The following DNAJC1 variants were observed in gnomAD, a reference collection of about 807,000 sequenced individuals.
The protein encoded by DNAJC1 is DnaJ heat shock protein family (Hsp40) member C1.
Under a neutral mutation model 76.6 loss-of-function variants are expected in DNAJC1, and 58 were observed. That is an observed-to-expected ratio of 0.76 (90% CI 0.61 to 0.94). The LOEUF (loss-of-function observed/expected upper bound fraction) is 0.94, where lower values mean the gene tolerates loss of function less well. Ranked by LOEUF, DNAJC1 falls within the 40% of genes least tolerant of loss-of-function variation. DNAJC1 has a pLI of 0.00. For missense variants in DNAJC1, 689 were observed against 677.3 expected (o/e 1.02, Z -0.19); for synonymous variants, 258 against 267.9 (o/e 0.96, Z 0.36).
intron 8 of DNAJC1, among the ~76,000 whole-genome samples, chr10:21,816,631 C>T (rs529166146): frequency 5.3e-5 from 8 of 150,470 alleles, no homozygotes; most frequent in East Asian, 2.1e-4. Context: ...CTGAAAGCTC[C>T]GCCTCCCGGG....
At chr10:21,899,060 C>T (rs1384170813) in intron 7 of DNAJC1, among the ~76,000 whole-genome samples, 1 of 152,132 alleles carries the variant, frequency 6.6e-6, no homozygotes, top group African/African-American at 2.4e-5. Context: ...CCCCCAACCC[C>T]AGCCAAGGGA....
intron 9 of DNAJC1, among the ~76,000 whole-genome samples, chr10:21,773,949 G>A (rs894679549): frequency 4.0e-5 from 6 of 151,120 alleles, no homozygotes; most frequent in South Asian, 2.1e-4. Flanking sequence ...AGACCATCCC[G>A]GCTAAAACGG....
intron 8 of DNAJC1, among the ~76,000 whole-genome samples, chr10:21,822,428 G>A (rs926739031): frequency 1.4e-5 from 2 of 146,064 alleles, no homozygotes; most frequent in African/African-American, 5.1e-5. Flanking sequence ...GACACAGCGA[G>A]ACTCCGACTC....
intron 1 of DNAJC1, among the ~76,000 whole-genome samples, chr10:21,988,806 T>C (rs1233256311): frequency 6.6e-6 from 1 of 152,210 alleles, no homozygotes; most frequent in Non-Finnish European, 1.5e-5. Context: ...TATCTGCATA[T>C]AATTTAACTT....
chr10:21,963,426 G>T (rs995999911), intron 1 of DNAJC1, among the ~76,000 whole-genome samples: 4 of 152,194 alleles, frequency 2.6e-5, no homozygotes, highest in African/African-American at 9.7e-5. Context: ...TGAAAATGTG[G>T]ATTTTTCTTG....
At chr10:21,941,630 C>T (rs1837413392) in intron 1 of DNAJC1, among the ~76,000 whole-genome samples, 2 of 151,920 alleles carry the variant, frequency 1.3e-5, no homozygotes, top group Non-Finnish European at 2.9e-5. Flanking sequence ...ATTCTCTCTA[C>T]TACTGTTTGT....
chr10:21,926,293 G>T, intron 3 of DNAJC1, among the ~76,000 whole-genome samples: 3 of 147,534 alleles, frequency 2.0e-5, no homozygotes, highest in Non-Finnish European at 3.0e-5. Context: ...AAAGTTATTT[G>T]GTTTGTTAAT....
chr10:21,824,795 T>C (rs897502876), intron 8 of DNAJC1, among the ~76,000 whole-genome samples: 3 of 152,178 alleles, frequency 2.0e-5, no homozygotes, highest in Non-Finnish European at 4.4e-5. Flanking sequence ...ATTTTTGAGA[T>C]GGTGTTTCGC....
rs1393241380 is a variant in DNAJC1 at position 21,920,969 on chromosome 10, G to T, written c.372-6C>A. On this transcript the variant is annotated splice_region_variant and splice_polypyrimidine_tract_variant and intron_variant, in intron 3 of 11. Transcript: ENST00000376980. ...TGATCAGAATATCATCATACCTACA[G>T]TACAAATATAACAGTTTTTCACGGG... is the stretch of plus-strand genomic sequence containing the variant. The T allele has an allele frequency of 2.6e-6, 4 of 1,556,524 alleles. No homozygotes were observed. Among genetic ancestry groups the T allele is most frequent in the Non-Finnish European group, 3.5e-6 (4 of 1,147,438 alleles).
At chr10:21,928,002 A>C (rs1353732941) in intron 3 of DNAJC1, among the ~76,000 whole-genome samples, 1 of 152,218 alleles carries the variant, frequency 6.6e-6, no homozygotes, top group Admixed American at 6.5e-5. Flanking sequence ...CAAGAGGCAA[A>C]GTTTTCTTTC....
chr10:21,790,482 AGAAT>A (rs1466925812), intron 9 of DNAJC1, among the ~76,000 whole-genome samples: 1 of 149,704 alleles, frequency 6.7e-6, no homozygotes, highest in Non-Finnish European at 1.5e-5. Context: ...AAGCTACAAA[AGAAT>A]GAAACAATGT....
intron 8 of DNAJC1, among the ~76,000 whole-genome samples, chr10:21,834,551 C>T (rs61567680): frequency 0.033 from 5,038 of 152,280 alleles, 139 homozygotes; most frequent in Middle Eastern, 0.065. Context: ...CCCAAGGGGT[C>T]AGGGAATTCC....
At chr10:21,886,831 A>G (rs1429592299) in intron 7 of DNAJC1, among the ~76,000 whole-genome samples, 1 of 152,174 alleles carries the variant, frequency 6.6e-6, no homozygotes, top group Non-Finnish European at 1.5e-5. Context: ...AAATTGGCAC[A>G]AGACAAGGAT....
chr10:21,787,329 A>G (rs949446370), intron 9 of DNAJC1, among the ~76,000 whole-genome samples: 5 of 151,980 alleles, frequency 3.3e-5, no homozygotes, highest in African/African-American at 1.2e-4. Flanking sequence ...TTCCGTCACA[A>G]AAAAAGAAAA....
chr10:21,906,611 T>C (rs1029999709), intron 6 of DNAJC1, among the ~76,000 whole-genome samples: 4 of 152,254 alleles, frequency 2.6e-5, no homozygotes, highest in Admixed American at 6.5e-5. Flanking sequence ...AAATCAATCA[T>C]CACAGTATAG....
chr10:21,842,507 G>A (rs954872297), intron 8 of DNAJC1, among the ~76,000 whole-genome samples: 1 of 152,238 alleles, frequency 6.6e-6, no homozygotes, highest in Admixed American at 6.5e-5. Flanking sequence ...GTACAGATAT[G>A]AGAAAGTTGG....
intron 9 of DNAJC1, among the ~76,000 whole-genome samples, chr10:21,792,817 A>C (rs543397465): frequency 7.9e-5 from 12 of 152,180 alleles, no homozygotes; most frequent in Non-Finnish European, 1.6e-4. Flanking sequence ...ATGTATATAC[A>C]ACATGATCAA....
At chr10:21,849,809 C>T (rs1835722837) in intron 8 of DNAJC1, among the ~76,000 whole-genome samples, 1 of 151,844 alleles carries the variant, frequency 6.6e-6, no homozygotes, top group Admixed American at 6.6e-5. Context: ...GTTGGTTCAA[C>T]ATGAGAAAAT....
Position 21,835,414 on chromosome 10 carries a change from G to A in DNAJC1, c.979-29315C>T, listed in dbSNP as rs182868526. ...GAAAAACTGGAAACTTTAAAAATCA[G>A]AGCACCTCTCCTCCTCCAAAGGAAT... On this transcript the variant is annotated intron_variant, in intron 8 of 11. Transcript: ENST00000376980. Among the ~76,000 whole-genome samples the A allele has an allele frequency of 2.0e-5, 3 of 152,304 alleles. No individual in the cohort carries two copies. The East Asian group carries it at 5.8e-4, about 29-fold the overall frequency.
Sources: gnomAD v4.1 joint callset for allele counts (sites outside exome capture counted in the v4.1 genomes callset) on GRCh38, gnomAD v4.1.1 for gene constraint, MANE v1.5 for transcripts, NCBI Gene and HGNC (gene_info 2026-07-23, HGNC 2026-07-21) for gene names.